The following DPF3 variants were observed in gnomAD, a reference collection of about 807,000 sequenced individuals.
DPF3 encodes double PHD fingers 3.
Under a neutral mutation model 56.8 loss-of-function variants are expected in DPF3, and 18 were observed. The observed-to-expected ratio is 0.32, with a 90% CI of 0.22 to 0.47. The LOEUF is 0.47. DPF3 is among the 20% of genes least tolerant of loss of function. The probability of loss-of-function intolerance (pLI) is 1.00; values close to 1 mark genes in which losing one functional copy is unlikely to be tolerated. For missense variants in DPF3, 403 were observed against 488.8 expected (o/e 0.82, Z 1.65); for synonymous variants, 188 against 180.2 (o/e 1.04, Z -0.35).
At chr14:72,663,441 C>T (rs1012045751) in intron 8 of DPF3, among the ~76,000 whole-genome samples, 1 of 152,122 alleles carries the variant, frequency 6.6e-6, no homozygotes, top group Admixed American at 6.5e-5. Flanking sequence ...CAGAGTTACT[C>T]GGAGACAGTC....
intron 1 of DPF3, among the ~76,000 whole-genome samples, chr14:72,838,848 T>C (rs1340810814): frequency 1.3e-5 from 2 of 149,454 alleles, no homozygotes; most frequent in African/African-American, 2.5e-5. Context: ...CTTTCCAGTA[T>C]ATGGTATGTC....
At chr14:72,728,608 GT>G (rs1241450998) in intron 4 of DPF3, among the ~76,000 whole-genome samples, 1 of 152,172 alleles carries the variant, frequency 6.6e-6, no homozygotes. Context: ...AGTAGGACAT[GT>G]CAGAGACGGG....
intron 3 of DPF3, among the ~76,000 whole-genome samples, chr14:72,750,924 C>T (rs1366253986): frequency 3.3e-5 from 5 of 151,884 alleles, no homozygotes; most frequent in Non-Finnish European, 7.4e-5. Context: ...GGCACAGTAG[C>T]TCCTGCCTGT....
intron 6 of DPF3, among the ~76,000 whole-genome samples, chr14:72,706,201 C>A (rs1338185729): frequency 6.6e-6 from 1 of 152,162 alleles, no homozygotes; most frequent in Non-Finnish European, 1.5e-5. Context: ...CTTCCCCCTA[C>A]CCCTGGGCAC....
At chr14:72,649,302 G>A (rs1298207580) in intron 8 of DPF3, among the ~76,000 whole-genome samples, 1 of 152,098 alleles carries the variant, frequency 6.6e-6, no homozygotes, top group Non-Finnish European at 1.5e-5. Flanking sequence ...CCTTCAGCTG[G>A]GGGGCTGTGG....
intron 8 of DPF3, among the ~76,000 whole-genome samples, chr14:72,644,368 C>T (rs1361774416): frequency 6.6e-6 from 1 of 152,226 alleles, no homozygotes; most frequent in East Asian, 1.9e-4. Flanking sequence ...AAATTTTCAT[C>T]TAAGATTCAT....
In DPF3 at chr14:72,791,166, C is replaced by T. The variant is rs1245180381; in HGVS notation, c.33-19273G>A. On this transcript the variant is annotated intron_variant, in intron 1 of 10. Transcript: ENST00000556509. ...AGCCCTAGGCTGCTGCACTAGCCCC[C>T]CACCATGTGAGTCCCTGCCCGCAGT... is the stretch of plus-strand genomic sequence containing the variant. Among the ~76,000 whole-genome samples, 3 of 152,198 alleles carry T rather than the reference C, an allele frequency of 2.0e-5. No individual in the cohort carries two copies. The East Asian group carries it at 5.8e-4, about 29-fold the overall frequency.
intron 6 of DPF3, among the ~76,000 whole-genome samples, chr14:72,713,055 T>C (rs1056410425): frequency 2.0e-5 from 3 of 152,234 alleles, no homozygotes; most frequent in Non-Finnish European, 4.4e-5. Flanking sequence ...AGGGTCAGCA[T>C]GCTGGGGCTT....
At chr14:72,760,085 A>G (rs947304138) in intron 2 of DPF3, among the ~76,000 whole-genome samples, 6 of 152,234 alleles carry the variant, frequency 3.9e-5, no homozygotes, top group African/African-American at 1.4e-4. Context: ...AAAGGAATGA[A>G]CAGCATCAGA....
chr14:72,755,957 G>A (rs898603510), intron 2 of DPF3, among the ~76,000 whole-genome samples: 1 of 152,172 alleles, frequency 6.6e-6, no homozygotes, highest in Non-Finnish European at 1.5e-5. Flanking sequence ...GTTTATCTCA[G>A]AACAGGAGGC....
chr14:72,884,958 A>G (rs1217339248), intron 1 of DPF3, among the ~76,000 whole-genome samples: 1 of 100,432 alleles, frequency 1.0e-5, no homozygotes, highest in Admixed American at 1.1e-4. Context: ...ATATATATAT[A>G]TATATATATA....
At chr14:72,762,785 T>C (rs1423401992) in intron 2 of DPF3, among the ~76,000 whole-genome samples, 3 of 151,932 alleles carry the variant, frequency 2.0e-5, no homozygotes, top group East Asian at 1.9e-4. Flanking sequence ...GTTATTCATA[T>C]TAAAAGAAAG....
chr14:72,798,254 C>CAAAAAAA (rs35648169), intron 1 of DPF3, among the ~76,000 whole-genome samples: 4 of 53,946 alleles, frequency 7.4e-5, no homozygotes, highest in African/African-American at 1.7e-4. Flanking sequence ...GCCTTCATCT[C>CAAAAAAA]AAAAAAAAAA....
chr14:72,793,753 C>T (rs1166519120), intron 1 of DPF3, among the ~76,000 whole-genome samples: 3 of 152,226 alleles, frequency 2.0e-5, no homozygotes, highest in African/African-American at 4.8e-5. Flanking sequence ...ATAGATGATG[C>T]TGGCAAATTC....
chr14:72,719,396 C>G lies in DPF3; in HGVS notation c.525+4237G>C, dbSNP rs149396124. The stretch of plus-strand genomic sequence containing the variant: ...TGCTATTTAAAGTGTGGTCCTGACA[C>G]CAGCAGCTCCAGCATCACTTGGGAG... On this transcript the variant is annotated intron_variant, in intron 5 of 10. Transcript: ENST00000556509. Among the ~76,000 whole-genome samples the G allele has an allele frequency of 2.6e-3, 394 of 152,234 alleles. 1 individual carries two copies. Among genetic ancestry groups the G allele is most frequent in the Non-Finnish European group, 5.1e-3 (350 of 68,008 alleles).
At chr14:72,637,514 T>C (rs1020849692) in intron 8 of DPF3, among the ~76,000 whole-genome samples, 4 of 152,210 alleles carry the variant, frequency 2.6e-5, no homozygotes, top group African/African-American at 9.6e-5. Flanking sequence ...CTCTTCCAGG[T>C]ACTGGGGATA....
At chr14:72,664,682 T>C (rs986608846) in intron 8 of DPF3, among the ~76,000 whole-genome samples, 1 of 152,038 alleles carries the variant, frequency 6.6e-6, no homozygotes, top group Non-Finnish European at 1.5e-5. Context: ...GACTTCTCCA[T>C]TCTTTCTGTC....
At chr14:72,737,333 G>T (rs537978559) in intron 3 of DPF3, among the ~76,000 whole-genome samples, 1 of 152,040 alleles carries the variant, frequency 6.6e-6, no homozygotes, top group South Asian at 2.1e-4. Context: ...TTTGACACAG[G>T]TGCCCCAAGC....
At chr14:72,630,369 G>A (rs1266548056) in intron 8 of DPF3, among the ~76,000 whole-genome samples, 1 of 152,194 alleles carries the variant, frequency 6.6e-6, no homozygotes, top group Admixed American at 6.5e-5. Flanking sequence ...AAGAAATGGA[G>A]CATCAGAGCA....
Sources: gnomAD v4.1 joint callset for allele counts (sites outside exome capture counted in the v4.1 genomes callset) on GRCh38, gnomAD v4.1.1 for gene constraint, MANE v1.5 for transcripts, NCBI Gene and HGNC (gene_info 2026-07-23, HGNC 2026-07-21) for gene names.